GPC6: variants seen among roughly 807,000 people sequenced by gnomAD.
GPC6 encodes the protein glypican 6.
In GPC6, 14 loss-of-function variants were observed where a neutral mutation model predicts 55.2. That is an observed-to-expected ratio of 0.25 (90% CI 0.17 to 0.40). GPC6 has a LOEUF of 0.40. GPC6 is among the 10% of genes least tolerant of loss of function. GPC6 has a pLI of 1.00. For synonymous variants in GPC6, 278 were observed against 259.6 expected, an observed-to-expected ratio of 1.07 and a Z score of -0.68; for missense variants, 641 against 708.5, an observed-to-expected ratio of 0.90 and a Z score of 1.08.
rs537957728 is a variant in GPC6, at chr13:93,668,133, T to C, written c.319+122712T>C. Among the ~76,000 whole-genome samples the C allele has an allele frequency of 4.0e-4, 61 of 152,338 alleles. 1 individual carries two copies. Among genetic ancestry groups the C allele is most frequent in the African/African-American group, 1.4e-3 (57 of 41,576 alleles). Reference sequence around the variant, plus strand: ...GTGGCCCTCATGGAAAATTTCTCCCTGGCATGGAATCTTGCAAGAAATTCA... The same window carrying C: ...GTGGCCCTCATGGAAAATTTCTCCCCGGCATGGAATCTTGCAAGAAATTCA... On this transcript the variant is annotated intron_variant, in intron 2 of 8. Coordinates refer to ENST00000377047, the MANE Select transcript of GPC6 (RefSeq NM_005708.5).
chr13:93,974,471 T>G (rs1040900976), intron 3 of GPC6, among the ~76,000 whole-genome samples: 1 of 152,170 alleles, frequency 6.6e-6, no homozygotes, highest in Non-Finnish European at 1.5e-5. Context: ...TATCTATAGT[T>G]ACACATTCTA....
intron 1 of GPC6, among the ~76,000 whole-genome samples, chr13:93,430,522 G>T (rs764908662): frequency 6.6e-6 from 1 of 152,100 alleles, no homozygotes; most frequent in Non-Finnish European, 1.5e-5. Context: ...AGATGACATA[G>T]TAGATGTCAA....
chr13:93,694,481 A>C (rs1048050731), intron 2 of GPC6, among the ~76,000 whole-genome samples: 1 of 152,198 alleles, frequency 6.6e-6, no homozygotes, highest in African/African-American at 2.4e-5. Context: ...GAAGGAACAC[A>C]AATTGAAAAG....
intron 4 of GPC6, among the ~76,000 whole-genome samples, chr13:94,228,943 T>C (rs1011728111): frequency 6.6e-5 from 10 of 152,172 alleles, no homozygotes; most frequent in Non-Finnish European, 1.2e-4. Flanking sequence ...TGAGGAGTGT[T>C]TCAAGAATTG....
At chr13:94,291,887 A>G (rs1874999614) in intron 5 of GPC6, among the ~76,000 whole-genome samples, 1 of 152,164 alleles carries the variant, frequency 6.6e-6, no homozygotes, top group Non-Finnish European at 1.5e-5. Flanking sequence ...TGAGAGTTGT[A>G]AAGTTTAGAA....
intron 1 of GPC6, among the ~76,000 whole-genome samples, chr13:93,422,887 A>G (rs1876976085): frequency 6.6e-6 from 1 of 152,172 alleles, no homozygotes; most frequent in African/African-American, 2.4e-5. Flanking sequence ...TGCTTACACA[A>G]ATTAAATGAA....
At chr13:94,049,616 T>A (rs943460623) in intron 4 of GPC6, among the ~76,000 whole-genome samples, 15 of 152,144 alleles carry the variant, frequency 9.9e-5, no homozygotes, top group Non-Finnish European at 1.6e-4. Context: ...CAGAAATATA[T>A]GTGGCACCTC....
chr13:93,354,353 T>TTTTTTTTTG (rs1880753783), intron 1 of GPC6, among the ~76,000 whole-genome samples: 1 of 133,862 alleles, frequency 7.5e-6, no homozygotes. Context: ...TGGTAGATTT[T>TTTTTTTTTG]TTTTTTTTTT....
At chr13:93,577,794 TTG>T in intron 2 of GPC6, among the ~76,000 whole-genome samples, 1 of 152,222 alleles carries the variant, frequency 6.6e-6, no homozygotes, top group South Asian at 2.1e-4. Flanking sequence ...GTTCCAGAAC[TTG>T]AAGGAAAGGC....
Position 93,830,186 on chromosome 13 carries a change from A to T in GPC6, c.352A>T (p.Lys118Ter). ...CCGAGAGCTCCTGGAGAATGCAGAA[A>T]AGTCACTAAATGATATGTTTGTACG... Reference protein sequence around the residue: ...FFRELLENAEKSLNDMFVRTY... With the variant: ...FFRELLENAE The change falls in exon 3 of 9, where the codon AAG (lysine) becomes TAG (stop). Residue 118 changes from lysine to a stop codon, truncating the protein, a stop_gained. Coordinates refer to ENST00000377047, the MANE Select transcript of GPC6 (RefSeq NM_005708.5). LOFTEE classifies it high-confidence loss of function. 1 of 1,607,376 alleles carries T rather than the reference A, an allele frequency of 6.2e-7. No homozygotes were observed.
intron 4 of GPC6, among the ~76,000 whole-genome samples, chr13:94,085,342 AAAGG>A (rs1485388895): frequency 4.7e-5 from 7 of 148,930 alleles, no homozygotes; most frequent in African/African-American, 1.7e-4. Flanking sequence ...AAAAAAAAAA[AAAGG>A]GAAGAAAAAG....
At chr13:93,939,547 C>T (rs930757332) in intron 3 of GPC6, among the ~76,000 whole-genome samples, 1 of 151,724 alleles carries the variant, frequency 6.6e-6, no homozygotes, top group Non-Finnish European at 1.5e-5. Flanking sequence ...CTTAGAGTTA[C>T]GTTTTTTTTC....
At chr13:93,231,355 ATATACG>A (rs1161214401) in intron 1 of GPC6, among the ~76,000 whole-genome samples, 17 of 30,002 alleles carry the variant, frequency 5.7e-4, no homozygotes, top group African/African-American at 3.2e-3. Context: ...ACATATATAT[ATATACG>A]TATATATATA....
intron 1 of GPC6, among the ~76,000 whole-genome samples, chr13:93,534,779 A>G (rs1008549737): frequency 4.6e-5 from 7 of 152,188 alleles, no homozygotes; most frequent in African/African-American, 1.2e-4. Flanking sequence ...TGGTCTGATC[A>G]TATGTCCTTG....
intron 2 of GPC6, among the ~76,000 whole-genome samples, chr13:93,559,427 A>G (rs1342229811): frequency 6.6e-6 from 1 of 152,182 alleles, no homozygotes; most frequent in Admixed American, 6.5e-5. Flanking sequence ...CTAACCAACA[A>G]CCGTGCTGGG....
chr13:93,322,950 C>G (rs36000314), intron 1 of GPC6, among the ~76,000 whole-genome samples: 11,228 of 151,970 alleles, frequency 0.074, 529 homozygotes, highest in East Asian at 0.12. Flanking sequence ...GCCCCCCACA[C>G]CCCCTTAGTC....
intron 1 of GPC6, among the ~76,000 whole-genome samples, chr13:93,267,145 G>A (rs1877349960): frequency 6.6e-6 from 1 of 152,170 alleles, no homozygotes; most frequent in African/African-American, 2.4e-5. Context: ...AAAATGTGGA[G>A]ATTTACATGT....
At chr13:93,607,508 G>C (rs1356103480) in intron 2 of GPC6, among the ~76,000 whole-genome samples, 1 of 152,110 alleles carries the variant, frequency 6.6e-6, no homozygotes, top group Non-Finnish European at 1.5e-5. Flanking sequence ...CCAATAGGTT[G>C]AATTTTCCTT....
At chr13:93,404,889 T>C (rs1259472326) in intron 1 of GPC6, among the ~76,000 whole-genome samples, 1 of 152,200 alleles carries the variant, frequency 6.6e-6, no homozygotes, top group Non-Finnish European at 1.5e-5. Context: ...ACATAGAAGA[T>C]TTAAAGCTCA....
Sources: gnomAD v4.1 joint callset for allele counts (sites outside exome capture counted in the v4.1 genomes callset) on GRCh38, gnomAD v4.1.1 for gene constraint, MANE v1.5 for transcripts, NCBI Gene and HGNC (gene_info 2026-07-23, HGNC 2026-07-21) for gene names.